Variants in FHIT observed in about 807,000 individuals in gnomAD.
FHIT encodes the protein bis(5'-adenosyl)-triphosphatase.
FHIT carries 19 observed loss-of-function variants against 17.9 expected under a neutral mutation model. The observed-to-expected ratio is 1.06, with a 90% CI of 0.74 to 1.56. The LOEUF (loss-of-function observed/expected upper bound fraction) is 1.56. Among genes scored for constraint, FHIT ranks in the 40% most tolerant of loss-of-function variants. The pLI is 0.00. For missense variants in FHIT, 248 were observed against 189.2 expected (o/e 1.31, Z -1.82); for synonymous variants, 81 against 69.7 (o/e 1.16, Z -0.81).
intron 4 of FHIT, among the ~76,000 whole-genome samples, chr3:60,685,459 T>C (rs1252451359): frequency 6.6e-6 from 1 of 152,168 alleles, no homozygotes; most frequent in Non-Finnish European, 1.5e-5. Context: ...GTCTTCTGCA[T>C]TGGCCTGGTA....
intron 5 of FHIT, among the ~76,000 whole-genome samples, chr3:60,530,555 T>G (rs763758797): frequency 6.5e-4 from 99 of 152,310 alleles, no homozygotes; most frequent in Non-Finnish European, 1.2e-3. Flanking sequence ...AGGAAGAGAC[T>G]AGCAAGGAGG....
chr3:60,727,873 G>A (rs529012607), intron 4 of FHIT, among the ~76,000 whole-genome samples: 4 of 152,226 alleles, frequency 2.6e-5, no homozygotes, highest in Non-Finnish European at 4.4e-5. Flanking sequence ...GCATGGTGGC[G>A]GGTGCCTGCG....
intron 5 of FHIT, among the ~76,000 whole-genome samples, chr3:60,508,346 T>C (rs1241143850): frequency 6.6e-6 from 1 of 152,224 alleles, no homozygotes; most frequent in Admixed American, 6.5e-5. Flanking sequence ...ATAATGTCTC[T>C]GGATTATGAA....
chr3:60,534,861 T>C (rs2035925175), intron 5 of FHIT, among the ~76,000 whole-genome samples: 1 of 152,198 alleles, frequency 6.6e-6, no homozygotes, highest in Non-Finnish European at 1.5e-5. Flanking sequence ...ACAGATATTT[T>C]CCTAGACATA....
chr3:60,696,252 G>A (rs1460849798), intron 4 of FHIT, among the ~76,000 whole-genome samples: 6 of 152,088 alleles, frequency 3.9e-5, no homozygotes, highest in Non-Finnish European at 7.3e-5. Context: ...GATTTAACCA[G>A]ATCAGTTTTA....
At chr3:60,029,921 G>GTT (rs1700929009) in intron 5 of FHIT, among the ~76,000 whole-genome samples, 4 of 151,196 alleles carry the variant, frequency 2.6e-5, no homozygotes, top group African/African-American at 9.8e-5. Flanking sequence ...GTGTGTGTGT[G>GTT]TGTGTGTACA....
At chr3:60,789,177 G>T (rs12637231) in intron 4 of FHIT, among the ~76,000 whole-genome samples, 11,399 of 79,320 alleles carry the variant, frequency 0.14, 423 homozygotes, top group Non-Finnish European at 0.18. Context: ...TATATATATA[G>T]AGAGAGAGAG....
intron 4 of FHIT, among the ~76,000 whole-genome samples, chr3:60,578,224 G>A (rs1012077877): frequency 6.6e-6 from 1 of 152,020 alleles, no homozygotes; most frequent in Non-Finnish European, 1.5e-5. Flanking sequence ...GGATCACAAG[G>A]TCAAGATATT....
intron 4 of FHIT, among the ~76,000 whole-genome samples, chr3:60,603,017 T>G (rs1393908024): frequency 1.3e-5 from 2 of 152,194 alleles, no homozygotes; most frequent in East Asian, 3.8e-4. Flanking sequence ...TATGGTATTT[T>G]GCTACAGCAG....
At chr3:60,130,485 T>C (rs956894285) in intron 5 of FHIT, among the ~76,000 whole-genome samples, 2 of 152,036 alleles carry the variant, frequency 1.3e-5, no homozygotes, top group Non-Finnish European at 2.9e-5. Flanking sequence ...CCTGATGGGA[T>C]ATGGATGTAA....
intron 4 of FHIT, among the ~76,000 whole-genome samples, chr3:60,541,037 C>A (rs894454728): frequency 2.0e-5 from 3 of 152,168 alleles, no homozygotes; most frequent in Non-Finnish European, 2.9e-5. Context: ...CCATAGCTGT[C>A]CAGGTGTTTC....
In FHIT at chr3:60,280,031, C is replaced by CAA. The variant is rs34574670; in HGVS notation, c.103+256827_103+256828dup. ...TGGGTGACAGAACGAGACTCTGTCTCAAAAAAAAAAAAAAAAACAATAGAA... is the reference window on the plus strand; with the variant it reads ...TGGGTGACAGAACGAGACTCTGTCTCAAAAAAAAAAAAAAAAAAACAATAGAA... On this transcript the variant is annotated intron_variant, in intron 5 of 9. Coordinates refer to ENST00000492590, the MANE Select transcript of FHIT (RefSeq NM_002012.4). 4.1e-3 allele frequency among the ~76,000 whole-genome samples: 480 copies of CAA among 117,412 alleles called. 3 individuals carry two copies. The highest frequency in any genetic ancestry group is 0.014 in the African/African-American group (446 of 30,960). The allele number at this position is 117,412 out of a possible 152,430, so 77.0% of individuals were successfully genotyped here.
intron 5 of FHIT, among the ~76,000 whole-genome samples, chr3:60,373,033 TTATTTATTTATTCAACAAA>T: frequency 1.2e-5 from 1 of 84,652 alleles, no homozygotes; most frequent in East Asian, 1.9e-4. Context: ...CATATGAAAT[TTATTTATTTATTCAACAAA>T]TATTAAATGT....
intron 1 of FHIT, among the ~76,000 whole-genome samples, chr3:61,209,219 A>C (rs2039366276): frequency 6.6e-6 from 1 of 152,198 alleles, no homozygotes; most frequent in Admixed American, 6.5e-5. Flanking sequence ...TTTGTGGGTA[A>C]CCCGACCTTT....
intron 5 of FHIT, among the ~76,000 whole-genome samples, chr3:60,081,695 T>C (rs998207432): frequency 6.6e-6 from 1 of 152,076 alleles, no homozygotes; most frequent in Non-Finnish European, 1.5e-5. Flanking sequence ...TATCCGATAA[T>C]AAGGAAAACC....
At chr3:61,138,349 T>C (rs2036976567) in intron 2 of FHIT, among the ~76,000 whole-genome samples, 1 of 152,088 alleles carries the variant, frequency 6.6e-6, no homozygotes, top group Non-Finnish European at 1.5e-5. Context: ...TGACAGTTCT[T>C]AGAGAAAGGG....
At chr3:60,459,024 C>G (rs902578199) in intron 5 of FHIT, among the ~76,000 whole-genome samples, 2 of 152,090 alleles carry the variant, frequency 1.3e-5, no homozygotes, top group Admixed American at 6.6e-5. Flanking sequence ...TCAAGCGATC[C>G]TCCTACCTTG....
intron 5 of FHIT, among the ~76,000 whole-genome samples, chr3:60,454,154 T>C (rs760956858): frequency 2.0e-5 from 3 of 152,166 alleles, no homozygotes; most frequent in Non-Finnish European, 4.4e-5. Context: ...TACTCATTTG[T>C]TACAGTTATG....
intron 3 of FHIT, among the ~76,000 whole-genome samples, chr3:61,025,218 T>C (rs17634713): frequency 0.26 from 40,124 of 152,106 alleles, 6,204 homozygotes; most frequent in African/African-American, 0.44. Flanking sequence ...ACAGGACTTA[T>C]ATGTTATGGG....
Sources: gnomAD v4.1 joint callset for allele counts (sites outside exome capture counted in the v4.1 genomes callset) on GRCh38, gnomAD v4.1.1 for gene constraint, MANE v1.5 for transcripts, NCBI Gene and HGNC (gene_info 2026-07-23, HGNC 2026-07-21) for gene names.